The following EPHA7 variants were observed in gnomAD, a reference collection of about 807,000 sequenced individuals.
EPHA7 encodes EPH receptor A7.
EPHA7 carries 25 observed loss-of-function variants against 112.6 expected under a neutral mutation model. The ratio of observed to expected loss-of-function variants is 0.22; its 90% CI spans 0.16 to 0.31. EPHA7 has a LOEUF of 0.31. Ranked by LOEUF, EPHA7 falls within the 10% of genes least tolerant of loss-of-function variation. EPHA7 has a pLI of 1.00. For synonymous variants in EPHA7, 437 were observed against 406.5 expected, an observed-to-expected ratio of 1.07 and a Z score of -0.90; for missense variants, 962 against 1,212.6, an observed-to-expected ratio of 0.79 and a Z score of 3.07.
At chr6:93,269,250 G>T (rs1051164388) in intron 7 of EPHA7, among the ~76,000 whole-genome samples, 5 of 151,582 alleles carry the variant, frequency 3.3e-5, no homozygotes, top group Non-Finnish European at 5.9e-5. Flanking sequence ...AATAAATCTT[G>T]TATGCGTTAA....
chr6:93,245,223 G>T, intron 16 of EPHA7, 75 bp downstream of exon 16: 1 of 1,331,928 alleles, frequency 7.5e-7, no homozygotes. Context: ...TTAATATAAA[G>T]AAGATAACCT....
intron 5 of EPHA7, among the ~76,000 whole-genome samples, chr6:93,291,955 A>G (rs2127837688): frequency 6.6e-6 from 1 of 152,262 alleles, no homozygotes; most frequent in Admixed American, 6.5e-5. Context: ...ACATACATGG[A>G]ATATAATTCC....
rs1769978146 is a variant in EPHA7, at chr6:93,246,886, C to T, written c.2632G>A (p.Ala878Thr). ...ATCTGTTCAAATTTTGGCCTTTCAGCACGCTCCTTTTGCCAACAATCCAAC... is the reference window on the plus strand; with the variant it reads ...ATCTGTTCAAATTTTGGCCTTTCAGTACGCTCCTTTTGCCAACAATCCAAC... ...LMLDCWQKERAERPKFEQIVG... is the reference protein window; with the variant it reads ...LMLDCWQKERTERPKFEQIVG... The change falls in exon 15 of 17, where the codon GCT becomes ACT. Residue 878 changes from alanine to threonine, a missense_variant. Physicochemically the swap from Ala to Thr is moderately conservative, Grantham distance 58 (BLOSUM62 0). Around this residue, in one of 3 missense-constraint regions of EPHA7, gnomAD observed 746 missense variants for 889.2 expected, o/e 0.84. Coordinates refer to ENST00000369303, the MANE Select transcript of EPHA7 (RefSeq NM_004440.4). The T allele has an allele frequency of 6.2e-7, 1 of 1,613,942 alleles. No individual in the cohort carries two copies. Among genetic ancestry groups the T allele is most frequent in the Non-Finnish European group, 8.5e-7 (1 of 1,179,860 alleles).
chr6:93,305,012 A>G (rs929218737), intron 5 of EPHA7, among the ~76,000 whole-genome samples: 2 of 151,986 alleles, frequency 1.3e-5, no homozygotes, highest in South Asian at 2.1e-4. Context: ...ACCTTCTAAA[A>G]TACAATGTAG....
Position 93,354,710 on chromosome 6 carries a change from C to T in EPHA7, c.1324+2007G>A, listed in dbSNP as rs192917195. 5.1e-4 allele frequency among the ~76,000 whole-genome samples: 76 copies of T among 149,986 alleles called. 1 individual carries two copies. The highest frequency in any genetic ancestry group is 1.8e-3 in the African/African-American group (73 of 40,996). On this transcript the variant is annotated intron_variant, in intron 5 of 16. Transcript: ENST00000369303. ...GGAGTCAACATCCAAAGCCATTTTA[C>T]ATAACAACTGCGAAATATTTGATTC...
At chr6:93,299,367 A>G (rs1481351554) in intron 5 of EPHA7, among the ~76,000 whole-genome samples, 1 of 151,568 alleles carries the variant, frequency 6.6e-6, no homozygotes, top group Non-Finnish European at 1.5e-5. Flanking sequence ...GAAAAAAAAA[A>G]GAAGAAAGAA....
chr6:93,256,240 T>C (rs949482517), intron 12 of EPHA7, among the ~76,000 whole-genome samples: 1 of 152,146 alleles, frequency 6.6e-6, no homozygotes. Flanking sequence ...AATCATTTAG[T>C]TATTTATACT....
chr6:93,403,344 T>A (rs1778521727), intron 3 of EPHA7, among the ~76,000 whole-genome samples: 1 of 133,550 alleles, frequency 7.5e-6, no homozygotes, highest in Admixed American at 7.7e-5. Context: ...CTGCTAGGTA[T>A]CATGGCGGGT....
At chr6:93,395,575 T>TCA (rs4053540) in intron 3 of EPHA7, among the ~76,000 whole-genome samples, 45,041 of 145,280 alleles carry the variant, frequency 0.31, 6,827 homozygotes, top group East Asian at 0.48. Context: ...TTTACTTATT[T>TCA]CACACACACA....
chr6:93,357,582 T>C (rs930625162), intron 4 of EPHA7, among the ~76,000 whole-genome samples: 1 of 152,310 alleles, frequency 6.6e-6, no homozygotes, highest in East Asian at 1.9e-4. Flanking sequence ...GTCTGCTCTA[T>C]TTAGTAATGG....
chr6:93,362,915 G>A (rs1272649712), intron 3 of EPHA7, among the ~76,000 whole-genome samples: 2 of 152,032 alleles, frequency 1.3e-5, no homozygotes, highest in African/African-American at 4.8e-5. Context: ...TCCCCCTTCC[G>A]ACAATCTTGT....
chr6:93,254,868 T>C, intron 13 of EPHA7, 72 bp from the exon 14 acceptor site: 5 of 1,308,490 alleles, frequency 3.8e-6, no homozygotes, highest in Non-Finnish European at 5.2e-6. Context: ...ATACCATAAA[T>C]ACATATGTGC....
At chr6:93,258,614 A>G (rs1281146214) in intron 10 of EPHA7, among the ~76,000 whole-genome samples, 4 of 150,172 alleles carry the variant, frequency 2.7e-5, no homozygotes, top group South Asian at 4.2e-4. Flanking sequence ...TGAATTAACC[A>G]ACACTCAGGG....
chr6:93,405,809 G>GTA (rs1778679029), intron 3 of EPHA7, among the ~76,000 whole-genome samples: 5 of 61,616 alleles, frequency 8.1e-5, no homozygotes, highest in African/African-American at 3.5e-4. Flanking sequence ...GTGTGTGTGT[G>GTA]TGTGTATATA....
rs1769984672 is a variant in EPHA7 at position 93,247,005 on chromosome 6, T to C, written c.2533-20A>G. On this transcript the variant is annotated intron_variant, in intron 14 of 16. Transcript: ENST00000369303. ...TATAACCTAATAGCCAAAAGGACAT[T>C]ACAAATATTACTGATTTAGGTTCAA... 1.0e-5 allele frequency: 16 copies of C among 1,532,128 alleles called. No homozygotes were observed. The highest frequency in any genetic ancestry group is 1.4e-5 in the Non-Finnish European group (16 of 1,125,990). 94.9% of individuals were successfully genotyped at this position (1,532,128 alleles called of 1,614,324 possible).
At chr6:93,416,426 G>A (rs906472195) in intron 1 of EPHA7, among the ~76,000 whole-genome samples, 1 of 152,170 alleles carries the variant, frequency 6.6e-6, no homozygotes, top group Admixed American at 6.5e-5. Context: ...AACATTGCGA[G>A]ATTACTGTTT....
In EPHA7 at chr6:93,257,510, C is replaced by A. The variant is rs1247358846; in HGVS notation, c.2124G>T (p.Met708Ile). 1.9e-6 allele frequency: 3 copies of A among 1,610,170 alleles called. No individual in the cohort carries two copies. The Admixed American group carries it at 5.0e-5, about 27-fold the overall frequency. The stretch of plus-strand genomic sequence containing the variant: ...CATTTTCCATGAACTCTATTACTAT[C>A]ATGACTGGTTTCCCTAAAATTAAAA... The part of the protein sequence containing the change: ...EGVVTRGKPV[M>I]IVIEFMENGA... Residue 708 changes from methionine (M) to isoleucine (I), a missense_variant, in exon 12 of 17, where the codon ATG becomes ATT. This residue lies in a region of EPHA7 where 746 missense variants were observed against 889.2 expected (regional missense o/e 0.84). Coordinates refer to ENST00000369303, the MANE Select transcript of EPHA7 (RefSeq NM_004440.4).
intron 16 of EPHA7, 143 bp downstream of exon 16, chr6:93,245,155 C>T (rs1769889530): frequency 5.7e-6 from 4 of 707,312 alleles, no homozygotes; most frequent in Non-Finnish European, 9.1e-6. Flanking sequence ...GCCTGGTACG[C>T]AGTAAGAACT....
chr6:93,384,537 T>A (rs1187157354), intron 3 of EPHA7, among the ~76,000 whole-genome samples: 2 of 152,154 alleles, frequency 1.3e-5, no homozygotes, highest in Non-Finnish European at 2.9e-5. Flanking sequence ...TTTATCACTA[T>A]AATCCTTCTC....
Sources: gnomAD v4.1 joint callset for allele counts (sites outside exome capture counted in the v4.1 genomes callset) on GRCh38, gnomAD v4.1.1 for gene constraint, gnomAD v4.1.1 regional missense constraint, MANE v1.5 for transcripts, NCBI Gene and HGNC (gene_info 2026-07-23, HGNC 2026-07-21) for gene names.